The following ADARB1 variants were observed in gnomAD, a reference collection of about 807,000 sequenced individuals.
ADARB1 encodes adenosine deaminase RNA specific B1, also known as double-stranded RNA-specific editase 1.
A neutral mutation model predicts 52.4 loss-of-function variants in ADARB1; 10 were observed. The observed-to-expected ratio is 0.19, with a 90% CI of 0.12 to 0.32. The LOEUF (loss-of-function observed/expected upper bound fraction) is 0.32. ADARB1 is among the 10% of genes least tolerant of loss of function. The pLI is 1.00. For synonymous variants in ADARB1, 349 were observed against 371.1 expected (o/e 0.94, Z 0.68); for missense variants, 643 against 922.3 (o/e 0.70, Z 3.92).
In ADARB1 at chr21:45,095,435, C is replaced by A. The variant is rs368031580; in HGVS notation, c.-220+20642C>A. 2.4e-3 allele frequency among the ~76,000 whole-genome samples: 372 copies of A among 152,380 alleles called. 1 individual carries two copies. The highest frequency in any genetic ancestry group is 8.1e-3 in the African/African-American group (337 of 41,592). On this transcript the variant is annotated intron_variant, in intron 1 of 10. Coordinates refer to ENST00000348831, the MANE Select transcript of ADARB1 (RefSeq NM_001112.4). ...TGGAACTCAACCCAGTGTTTTTTCT[C>A]TGCCCCCTTTTTCTGTTAGCTCTTC...
At position 45,142,072 on chromosome 21, in the gene ADARB1, G is replaced by A. The variant is rs565320280; in HGVS notation, c.-48+13499G>A. 2.0e-5 allele frequency among the ~76,000 whole-genome samples: 3 copies of A among 152,268 alleles called. No homozygotes were observed. The highest frequency in any genetic ancestry group is 1.9e-4 in the East Asian group (1 of 5,188). On this transcript the variant is annotated intron_variant, in intron 2 of 10. Transcript: ENST00000348831. The surrounding 1 kb of genome is among the most constrained non-coding windows in gnomAD (Gnocchi z 4.0). ...CCTCTGGGTGTCCTTAGCCACCCCCGGGCCACCTTGGCCACTCTGGGTCAC... is the reference window on the plus strand; with the variant it reads ...CCTCTGGGTGTCCTTAGCCACCCCCAGGCCACCTTGGCCACTCTGGGTCAC...
At position 45,221,791 on chromosome 21, in the gene ADARB1, T is replaced by C. The variant is rs1429006288; in HGVS notation, c.1927-227T>C. ...TCTTCAGAACTCGGGGGTCTGTAGC[T>C]GCCTGTTTGACCAGCAAGACTGGAA... On this transcript the variant is annotated intron_variant, in intron 10 of 10. Transcript: ENST00000348831. This position sits in a 1 kb window ranked among gnomAD's most constrained non-coding sequence, Gnocchi z 4.9. Among the ~76,000 whole-genome samples the C allele has an allele frequency of 6.6e-6, 1 of 152,240 alleles. No homozygotes were observed. The highest frequency in any genetic ancestry group is 1.5e-5 in the Non-Finnish European group (1 of 68,040).
At chr21:45,212,033 T>C (rs1207212226) in intron 9 of ADARB1, among the ~76,000 whole-genome samples, 1 of 146,704 alleles carries the variant, frequency 6.8e-6, no homozygotes, top group Non-Finnish European at 1.5e-5. Context: ...ATATAAAAAA[T>C]ATTTTGTACT....
intron 1 of ADARB1, among the ~76,000 whole-genome samples, chr21:45,083,764 A>G (rs2086237080): frequency 6.6e-6 from 1 of 152,186 alleles, no homozygotes; most frequent in Non-Finnish European, 1.5e-5. Flanking sequence ...GTACAATCAT[A>G]GCTCACTGTA....
At chr21:45,136,958 G>A (rs1258272588) in intron 2 of ADARB1, 2 of 152,242 alleles carry the variant, frequency 1.3e-5, no homozygotes, top group African/African-American at 2.4e-5. Flanking sequence ...TTAAGGTTCT[G>A]AAGAAGTACA....
At chr21:45,181,916 T>A (rs2091945370) in intron 5 of ADARB1, among the ~76,000 whole-genome samples, 1 of 152,246 alleles carries the variant, frequency 6.6e-6, no homozygotes, top group Non-Finnish European at 1.5e-5. Flanking sequence ...GGTGCTTACC[T>A]GCCACATGGT....
At chr21:45,103,222 G>A (rs947244098) in intron 1 of ADARB1, among the ~76,000 whole-genome samples, 6 of 152,088 alleles carry the variant, frequency 3.9e-5, no homozygotes, top group African/African-American at 1.4e-4. Context: ...TAATAACAAT[G>A]TGTTAATTAA....
chr21:45,183,291 C>T, intron 6 of ADARB1, 71 bp from the exon 7 acceptor site: 1 of 1,426,090 alleles, frequency 7.0e-7, no homozygotes, highest in Non-Finnish European at 9.4e-7. Context: ...ATACTAGCCT[C>T]TGAAAATGAT....
At chr21:45,117,830 C>G (rs559194185) in intron 1 of ADARB1, among the ~76,000 whole-genome samples, 1 of 152,288 alleles carries the variant, frequency 6.6e-6, no homozygotes, top group Non-Finnish European at 1.5e-5. Flanking sequence ...TCTCCCTCCC[C>G]ACCCCATGCC....
At chr21:45,081,895 G>T (rs1266654379) in intron 1 of ADARB1, among the ~76,000 whole-genome samples, 1 of 152,228 alleles carries the variant, frequency 6.6e-6, no homozygotes, top group African/African-American at 2.4e-5. Flanking sequence ...AGGTGAGGCT[G>T]CAGAGACACA....
At chr21:45,090,777 C>T (rs550300739) in intron 1 of ADARB1, among the ~76,000 whole-genome samples, 1 of 152,278 alleles carries the variant, frequency 6.6e-6, no homozygotes, top group Admixed American at 6.5e-5. Flanking sequence ...GATTGAATAC[C>T]TTGTTTATTT....
intron 6 of ADARB1, 106 bp downstream of exon 6, chr21:45,182,859 C>G: frequency 8.8e-7 from 1 of 1,130,814 alleles, no homozygotes; most frequent in Non-Finnish European, 1.2e-6. Flanking sequence ...TGGAAAATCT[C>G]TCAAAATCAT....
intron 4 of ADARB1, among the ~76,000 whole-genome samples, chr21:45,180,078 C>T (rs1601805025): frequency 6.6e-6 from 1 of 152,378 alleles, no homozygotes; most frequent in Non-Finnish European, 1.5e-5. Context: ...GTGGTGCCCA[C>T]ACTCCACACT....
At chr21:45,194,864 A>AGTTACAAAT (rs2092390227) in intron 8 of ADARB1, among the ~76,000 whole-genome samples, 1 of 152,222 alleles carries the variant, frequency 6.6e-6, no homozygotes, top group African/African-American at 2.4e-5. Context: ...ATTACAAATA[A>AGTTACAAAT]AGCAGCTATA....
At chr21:45,156,657 A>AT (rs1447764720) in intron 2 of ADARB1, among the ~76,000 whole-genome samples, 5 of 151,836 alleles carry the variant, frequency 3.3e-5, no homozygotes, top group African/African-American at 1.2e-4. Context: ...TCATCCATTC[A>AT]TCCATCCACC....
rs573987341 is a variant in ADARB1, at chr21:45,223,428, C to G, written c.*1231C>G. On this transcript the variant is annotated 3_prime_UTR_variant, in exon 11 of 11. Transcript: ENST00000348831. ...TCAGCCCGGGAGGTCAGGAGCGCGGCGGGCGAGGGCCCTGTGTGGACCACC... is the reference window on the plus strand; with the variant it reads ...TCAGCCCGGGAGGTCAGGAGCGCGGGGGGCGAGGGCCCTGTGTGGACCACC... 1.0e-6 allele frequency: 1 copy of G among 985,640 alleles called. No homozygotes were observed. Among genetic ancestry groups the G allele is most frequent in the Non-Finnish European group, 1.2e-6 (1 of 830,224 alleles). The allele number at this position is 985,640 out of a possible 1,614,324, so 61.1% of individuals were successfully genotyped here.
At chr21:45,080,938 G>C (rs906118155) in intron 1 of ADARB1, among the ~76,000 whole-genome samples, 2 of 152,170 alleles carry the variant, frequency 1.3e-5, no homozygotes, top group Non-Finnish European at 2.9e-5. Context: ...CTGTTAACTT[G>C]GTAAAATATC....
In ADARB1 at chr21:45,079,908, G is replaced by A. The variant is rs554542799; in HGVS notation, c.-220+5115G>A. Among the ~76,000 whole-genome samples, 10 of 152,290 alleles carry A rather than the reference G, an allele frequency of 6.6e-5. No homozygotes were observed. The South Asian group carries it at 2.1e-3, about 32-fold the overall frequency. On this transcript the variant is annotated intron_variant, in intron 1 of 10. Coordinates refer to ENST00000348831, the MANE Select transcript of ADARB1 (RefSeq NM_001112.4). Reference sequence around the variant, plus strand: ...ATGGATACAGAGGAGCAGGAGATGAGGAATGGCCTGGGAGCTTTTGGCAAG... The same window carrying A: ...ATGGATACAGAGGAGCAGGAGATGAAGAATGGCCTGGGAGCTTTTGGCAAG...
chr21:45,203,607 G>A (rs140240515), intron 8 of ADARB1, among the ~76,000 whole-genome samples: 2 of 152,292 alleles, frequency 1.3e-5, no homozygotes, highest in Non-Finnish European at 2.9e-5. Context: ...GTGTGTGTTG[G>A]AGCTGATAAT....
Sources: allele counts gnomAD v4.1 joint callset (sites outside exome capture counted in the v4.1 genomes callset), GRCh38; gene constraint gnomAD v4.1.1; non-coding constraint Gnocchi (gnomAD v3.1); transcripts MANE v1.5; gene names NCBI Gene and HGNC (gene_info 2026-07-23, HGNC 2026-07-21).